The following KCNJ12 variants were observed in gnomAD, a reference collection of about 807,000 sequenced individuals.
KCNJ12 encodes potassium inwardly rectifying channel subfamily J member 12.
A neutral mutation model predicts 22.3 loss-of-function variants in KCNJ12; 2 were observed. That is an observed-to-expected ratio of 0.09 (90% CI 0.04 to 0.28). The LOEUF is 0.28. KCNJ12 is among the 10% of genes least tolerant of loss of function. KCNJ12 has a pLI of 1.00. For synonymous variants in KCNJ12, 117 were observed against 261.4 expected, an observed-to-expected ratio of 0.45 and a Z score of 5.33; for missense variants, 155 against 633.3, an observed-to-expected ratio of 0.24 and a Z score of 8.11.
intron 1 of KCNJ12, among the ~76,000 whole-genome samples, chr17:21,384,667 A>G (rs1555558434): frequency 2.7e-5 from 4 of 147,528 alleles, no homozygotes; most frequent in African/African-American, 1.0e-4. Flanking sequence ...CTTAGCCCTG[A>G]CCTCCTAGAA....
rs1238990132 is a variant in KCNJ12 at position 21,416,801 on chromosome 17, G to A, written c.*157G>A. On this transcript the variant is annotated 3_prime_UTR_variant, in exon 3 of 3. Transcript: ENST00000583088. Reference sequence around the variant, plus strand: ...ATGTTTCTTTGCAACGGCCTCAGAAGTTTGGCCGGAGAGGGGGCAGCCAGA... The same window carrying A: ...ATGTTTCTTTGCAACGGCCTCAGAAATTTGGCCGGAGAGGGGGCAGCCAGA... 3.7e-6 allele frequency: 5 copies of A among 1,351,900 alleles called. No individual in the cohort carries two copies. The highest frequency in any genetic ancestry group is 3.0e-5 in the African/African-American group (2 of 67,734). The allele number at this position is 1,351,900 out of a possible 1,614,324, so 83.7% of individuals were successfully genotyped here.
intron 1 of KCNJ12, among the ~76,000 whole-genome samples, chr17:21,386,408 A>G (rs1390660227): frequency 2.6e-5 from 4 of 152,204 alleles, no homozygotes; most frequent in African/African-American, 7.2e-5. Context: ...TGGAACTCAC[A>G]GGCTCAAGTG....
chr17:21,396,155 A>G (rs1291394737), intron 1 of KCNJ12, among the ~76,000 whole-genome samples: 4 of 152,142 alleles, frequency 2.6e-5, no homozygotes, highest in Non-Finnish European at 4.4e-5. Context: ...TGGGGTTGGC[A>G]TGGGGGTGAG....
At chr17:21,381,008 T>C (rs528636155) in intron 1 of KCNJ12, among the ~76,000 whole-genome samples, 1 of 152,312 alleles carries the variant, frequency 6.6e-6, no homozygotes, top group South Asian at 2.1e-4. Context: ...CGCCCAGCCC[T>C]CTAATTAGCC....
At chr17:21,408,314 GT>G in intron 1 of KCNJ12, among the ~76,000 whole-genome samples, 1 of 152,346 alleles carries the variant, frequency 6.6e-6, no homozygotes, top group South Asian at 2.1e-4. Flanking sequence ...ACCCCATCTT[GT>G]TCTGCTCTTC....
At chr17:21,386,371 C>T (rs144326067) in intron 1 of KCNJ12, among the ~76,000 whole-genome samples, 81 of 152,328 alleles carry the variant, frequency 5.3e-4, no homozygotes, top group African/African-American at 1.5e-3. Flanking sequence ...GACAGTCTCA[C>T]TCTGTCAACC....
chr17:21,382,686 G>T (rs1555558130), intron 1 of KCNJ12, among the ~76,000 whole-genome samples: 1 of 152,124 alleles, frequency 6.6e-6, no homozygotes, highest in Non-Finnish European at 1.5e-5. Flanking sequence ...GAAAAGACAG[G>T]GCTGGTGGCC....
At chr17:21,381,763 T>C (rs1904877206) in intron 1 of KCNJ12, among the ~76,000 whole-genome samples, 1 of 152,260 alleles carries the variant, frequency 6.6e-6, no homozygotes, top group Non-Finnish European at 1.5e-5. Context: ...TATATTTTAT[T>C]TGCTGATCTT....
At chr17:21,381,823 A>G (rs1425126305) in intron 1 of KCNJ12, among the ~76,000 whole-genome samples, 2 of 152,190 alleles carry the variant, frequency 1.3e-5, no homozygotes, top group African/African-American at 2.4e-5. Flanking sequence ...TTTTGGACCT[A>G]TTCTACCACA....
At chr17:21,395,591 A>AG (rs1312417082) in intron 1 of KCNJ12, among the ~76,000 whole-genome samples, 6 of 151,252 alleles carry the variant, frequency 4.0e-5, no homozygotes, top group Non-Finnish European at 5.9e-5. Context: ...AAAAAAAAAA[A>AG]AAAGAAAGAA....
At chr17:21,413,945 G>A (rs1428639841) in intron 2 of KCNJ12, among the ~76,000 whole-genome samples, 7 of 152,296 alleles carry the variant, frequency 4.6e-5, no homozygotes, top group South Asian at 2.1e-4. Context: ...TTAGAGATGC[G>A]GGAAGCAGGG....
At chr17:21,395,293 G>GAAAAA (rs1161884090) in intron 1 of KCNJ12, among the ~76,000 whole-genome samples, 1 of 55,644 alleles carries the variant, frequency 1.8e-5, no homozygotes. Flanking sequence ...AGATCCTAAA[G>GAAAAA]AAAAAAAAAA....
chr17:21,383,230 C>T (rs1355162090), intron 1 of KCNJ12, among the ~76,000 whole-genome samples: 10 of 152,158 alleles, frequency 6.6e-5, no homozygotes, highest in East Asian at 1.9e-4. Flanking sequence ...CAGCCGGGCC[C>T]GAGCTGGCGG....
intron 1 of KCNJ12, among the ~76,000 whole-genome samples, chr17:21,403,084 G>A (rs1157280685): frequency 1.3e-5 from 2 of 152,310 alleles, no homozygotes; most frequent in Admixed American, 6.5e-5. Flanking sequence ...GAGGAGCAAG[G>A]GACTTGGGGA....
At chr17:21,397,513 T>G (rs541796241) in intron 1 of KCNJ12, among the ~76,000 whole-genome samples, 5 of 152,216 alleles carry the variant, frequency 3.3e-5, no homozygotes, top group Non-Finnish European at 7.3e-5. Context: ...TGGGTCGTCC[T>G]CCCGCCCGGC....
At chr17:21,412,029 C>T (rs1206807080) in intron 2 of KCNJ12, among the ~76,000 whole-genome samples, 4 of 19,668 alleles carry the variant, frequency 2.0e-4, no homozygotes, top group South Asian at 1.8e-3. Context: ...CTCTCTCTCT[C>T]ACACACACAC....
At chr17:21,412,264 G>A (rs1202031447) in intron 2 of KCNJ12, among the ~76,000 whole-genome samples, 2 of 152,238 alleles carry the variant, frequency 1.3e-5, no homozygotes, top group African/African-American at 4.8e-5. Context: ...TTCCAAGCCT[G>A]TATGACACCA....
intron 1 of KCNJ12, among the ~76,000 whole-genome samples, chr17:21,389,055 C>T (rs1024245785): frequency 2.4e-4 from 37 of 152,226 alleles, no homozygotes; most frequent in Non-Finnish European, 2.9e-5. Context: ...CCTCATTTCC[C>T]TACTGTGAGA....
At chr17:21,388,922 A>G (rs1040652176) in intron 1 of KCNJ12, among the ~76,000 whole-genome samples, 12 of 152,150 alleles carry the variant, frequency 7.9e-5, no homozygotes, top group Admixed American at 1.3e-4. Flanking sequence ...GCGTTTTGCC[A>G]CTGAGATGTC....
Sources: allele counts gnomAD v4.1 joint callset (sites outside exome capture counted in the v4.1 genomes callset), GRCh38; gene constraint gnomAD v4.1.1; transcripts MANE v1.5; gene names NCBI Gene and HGNC (gene_info 2026-07-23, HGNC 2026-07-21).